PARD3: variants seen among roughly 807,000 people sequenced by gnomAD.
PARD3 encodes the protein partitioning defective 3 homolog.
In PARD3, 75 loss-of-function variants were observed where a neutral mutation model predicts 155.4. The observed-to-expected ratio is 0.48, with a 90% CI of 0.40 to 0.58. The LOEUF (loss-of-function observed/expected upper bound fraction) is 0.58. Ranked by LOEUF, PARD3 falls within the 20% of genes least tolerant of loss-of-function variation. The pLI is 0.00. For synonymous variants in PARD3, 576 were observed against 610.5 expected, an observed-to-expected ratio of 0.94 and a Z score of 0.83; for missense variants, 1,642 against 1,721.7, an observed-to-expected ratio of 0.95 and a Z score of 0.82.
rs1199483392 is a variant in PARD3, at chr10:34,227,881, T to TATATATATATATATATAC, written c.3419+41775_3419+41776insGTATATATATATATATAT. ...TTATATATATATATATATATATATA[T>TATATATATATATATATAC]ATACTGGGAATATATATGTATATAT... On this transcript the variant is annotated intron_variant, in intron 22 of 24. Coordinates refer to ENST00000374788, the MANE Select transcript of PARD3 (RefSeq NM_001184785.2). Among the ~76,000 whole-genome samples the TATATATATATATATATAC allele has an allele frequency of 5.0e-3, 670 of 133,548 alleles. 10 individuals carry two copies. The highest frequency in any genetic ancestry group is 6.9e-3 in the African/African-American group (237 of 34,166). 87.6% of individuals were successfully genotyped at this position (133,548 alleles called of 152,430 possible).
chr10:34,458,137 G>A (rs1564736185), intron 4 of PARD3, among the ~76,000 whole-genome samples: 2 of 152,102 alleles, frequency 1.3e-5, no homozygotes, highest in South Asian at 2.1e-4. Flanking sequence ...ATAATCATAC[G>A]TAAAATGTTG....
intron 23 of PARD3, among the ~76,000 whole-genome samples, chr10:34,120,530 G>A (rs748120864): frequency 1.8e-4 from 27 of 152,080 alleles, no homozygotes; most frequent in Non-Finnish European, 3.2e-4. Flanking sequence ...TGGGGGGTAG[G>A]TATATATTTT....
chr10:34,334,428 G>C (rs1374728921), intron 18 of PARD3, among the ~76,000 whole-genome samples: 1 of 151,018 alleles, frequency 6.6e-6, no homozygotes, highest in South Asian at 2.1e-4. Context: ...ATTATGAAAG[G>C]CTTATGGCTA....
At chr10:34,427,730 T>C (rs567890829) in intron 5 of PARD3, among the ~76,000 whole-genome samples, 14 of 152,028 alleles carry the variant, frequency 9.2e-5, no homozygotes, top group African/African-American at 2.9e-4. Flanking sequence ...TGCCGACATG[T>C]GATGTCTCCC....
chr10:34,513,545 T>G (rs770092191), intron 3 of PARD3, among the ~76,000 whole-genome samples: 21 of 152,236 alleles, frequency 1.4e-4, no homozygotes, highest in Non-Finnish European at 2.1e-4. Flanking sequence ...CCTTCCAAAG[T>G]GCTGGGATTA....
Position 34,815,226 on chromosome 10 carries a change from G to C in PARD3, c.-231C>G, listed in dbSNP as rs1012368408. On this transcript the variant is annotated 5_prime_UTR_variant, in exon 1 of 25. Transcript: ENST00000374788. ...GGGGCTTGCCTCGCCTCTCCCCGCC[G>C]CGGCGCCCGCAGCCTCCGGCCACCT... is the stretch of plus-strand genomic sequence containing the variant. 6.4e-6 allele frequency: 1 copy of C among 155,650 alleles called. No individual in the cohort carries two copies. Among genetic ancestry groups the C allele is most frequent in the Non-Finnish European group, 1.4e-5 (1 of 71,828 alleles). 9.6% of individuals were successfully genotyped at this position (155,650 alleles called of 1,614,324 possible). A position where few individuals can be genotyped will look rare whatever the true frequency, so the allele number is the denominator to read the frequency against.
chr10:34,126,372 T>C (rs1947291983), intron 23 of PARD3, among the ~76,000 whole-genome samples: 1 of 152,248 alleles, frequency 6.6e-6, no homozygotes, highest in Non-Finnish European at 1.5e-5. Flanking sequence ...TCCTGCTCTG[T>C]ATGTAAAGTA....
intron 22 of PARD3, among the ~76,000 whole-genome samples, chr10:34,164,504 C>G (rs1321813843): frequency 6.6e-6 from 1 of 152,144 alleles, no homozygotes; most frequent in East Asian, 1.9e-4. Flanking sequence ...AAGCTTTCAA[C>G]TAAGAGTAGT....
chr10:34,651,922 C>T (rs2093025541), intron 2 of PARD3, among the ~76,000 whole-genome samples: 1 of 152,182 alleles, frequency 6.6e-6, no homozygotes, highest in Non-Finnish European at 1.5e-5. Context: ...CACTTCATTG[C>T]TTAATGACTG....
chr10:34,385,182 G>A (rs1214829571), intron 7 of PARD3, among the ~76,000 whole-genome samples: 2 of 152,178 alleles, frequency 1.3e-5, no homozygotes, highest in Admixed American at 6.5e-5. Context: ...CGTCCAGGCT[G>A]TAGTGCAATA....
At chr10:34,211,615 T>A (rs1220477865) in intron 22 of PARD3, among the ~76,000 whole-genome samples, 1 of 151,792 alleles carries the variant, frequency 6.6e-6, no homozygotes, top group Non-Finnish European at 1.5e-5. Context: ...AACCTCGTCT[T>A]CTAAAAATAC....
At position 34,227,044 on chromosome 10, in the gene PARD3, C is replaced by T. The variant is rs80049535; in HGVS notation, c.3419+42613G>A. 5.3e-3 allele frequency among the ~76,000 whole-genome samples: 809 copies of T among 152,236 alleles called. 2 individuals are homozygous for T. The highest frequency in any genetic ancestry group is 0.017 in the African/African-American group (700 of 41,560). On this transcript the variant is annotated intron_variant, in intron 22 of 24. Coordinates refer to ENST00000374788, the MANE Select transcript of PARD3 (RefSeq NM_001184785.2). ...ATGGGACCTAATTAAACAGCTTCCG[C>T]GCAACAAAAGAAACTATCAACAGAG...
chr10:34,522,883 C>A (rs968528093), intron 2 of PARD3, among the ~76,000 whole-genome samples: 13 of 152,160 alleles, frequency 8.5e-5, no homozygotes, highest in African/African-American at 2.9e-4. Flanking sequence ...GAAATCAAGT[C>A]AAAGATCCTA....
chr10:34,690,514 A>G (rs974332813), intron 2 of PARD3, among the ~76,000 whole-genome samples: 1 of 152,162 alleles, frequency 6.6e-6, no homozygotes, highest in African/African-American at 2.4e-5. Flanking sequence ...GCCTTACTAC[A>G]TTATGCTGAG....
At chr10:34,404,581 T>C (rs1302435096) in intron 5 of PARD3, among the ~76,000 whole-genome samples, 1 of 152,028 alleles carries the variant, frequency 6.6e-6, no homozygotes, top group Non-Finnish European at 1.5e-5. Context: ...CTTTCAGATA[T>C]GAGACAATAC....
chr10:34,416,142 G>A (rs1845654442), intron 5 of PARD3, among the ~76,000 whole-genome samples: 4 of 152,264 alleles, frequency 2.6e-5, no homozygotes, highest in Non-Finnish European at 1.5e-5. Context: ...TTAATAATAG[G>A]ACACACCGCT....
rs1237597665 is a variant in PARD3, at chr10:34,359,335, A to C, written c.1897-18T>G. On this transcript the variant is annotated intron_variant, in intron 13 of 24. Coordinates refer to ENST00000374788, the MANE Select transcript of PARD3 (RefSeq NM_001184785.2). ...CTTCCATCCTGGGAAGAAAACAGGT[A>C]AAAATAAGTGCTATTAAACAGACTG... 1 of 1,599,250 alleles carries C rather than the reference A, an allele frequency of 6.3e-7. No homozygotes were observed. The highest frequency in any genetic ancestry group is 2.2e-5 in the East Asian group (1 of 44,772).
intron 22 of PARD3, among the ~76,000 whole-genome samples, chr10:34,136,157 C>A (rs1363006595): frequency 6.6e-6 from 1 of 152,144 alleles, no homozygotes; most frequent in Non-Finnish European, 1.5e-5. Flanking sequence ...TTTCATTGCA[C>A]CAAAATAATA....
rs1292892205 is a variant in PARD3, at chr10:34,573,727, AC to A, written c.223-56569del. 3.0e-3 allele frequency among the ~76,000 whole-genome samples: 334 copies of A among 111,348 alleles called. 1 individual carries two copies. The highest frequency in any genetic ancestry group is 9.7e-3 in the African/African-American group (205 of 21,210). The allele number at this position is 111,348 out of a possible 152,430, so 73.0% of individuals were successfully genotyped here. A position where few individuals can be genotyped will look rare whatever the true frequency, so the allele number is the denominator to read the frequency against. ...GTCTCAAAAACAAACAAACAAACAA[AC>A]AAACAAAAACACACACACACACACA... On this transcript the variant is annotated intron_variant, in intron 2 of 24. Coordinates refer to ENST00000374788, the MANE Select transcript of PARD3 (RefSeq NM_001184785.2).
Sources: allele counts gnomAD v4.1 joint callset (sites outside exome capture counted in the v4.1 genomes callset), GRCh38; gene constraint gnomAD v4.1.1; transcripts MANE v1.5; gene names NCBI Gene and HGNC (gene_info 2026-07-23, HGNC 2026-07-21).